PPME1: variants seen among roughly 807,000 people sequenced by gnomAD.
The protein encoded by PPME1 is protein phosphatase methylesterase 1.
PPME1 carries 17 observed loss-of-function variants against 56.9 expected under a neutral mutation model. The ratio of observed to expected loss-of-function variants is 0.30; its 90% CI spans 0.20 to 0.45. PPME1 has a LOEUF of 0.45. PPME1 is among the 20% of genes least tolerant of loss of function. The probability of loss-of-function intolerance (pLI) is 1.00; values close to 1 mark genes in which losing one functional copy is unlikely to be tolerated. For missense variants in PPME1, 357 were observed against 483.2 expected (o/e 0.74, Z 2.45); for synonymous variants, 122 against 156.2 (o/e 0.78, Z 1.63).
At chr11:74,231,492 G>A (rs1272628865) in intron 7 of PPME1, among the ~76,000 whole-genome samples, 4 of 152,144 alleles carry the variant, frequency 2.6e-5, no homozygotes, top group Admixed American at 1.3e-4. Flanking sequence ...CAGTTGCCAC[G>A]CCTTATTGTA....
Position 74,251,891 on chromosome 11 carries a change from T to G in PPME1, c.1142+176T>G, listed in dbSNP as rs202124637. 1,749 of 870,536 alleles carry G rather than the reference T, an allele frequency of 2.0e-3. 9 individuals carry two copies. The highest frequency in any genetic ancestry group is 2.7e-3 in the Non-Finnish European group (1,376 of 515,632). The allele number at this position is 870,536 out of a possible 1,614,324, so 53.9% of individuals were successfully genotyped here. A position where few individuals can be genotyped will look rare whatever the true frequency, so the allele number is the denominator to read the frequency against. On this transcript the variant is annotated intron_variant, in intron 13 of 13. Coordinates refer to ENST00000328257, the MANE Select transcript of PPME1 (RefSeq NM_016147.3). ...CTGTTTCTACAAAGCCATGGTTGGT[T>G]GTTTCTTTGTGCTGTGCTCCCACGG...
At chr11:74,186,197 C>T (rs1160912031) in intron 1 of PPME1, among the ~76,000 whole-genome samples, 6 of 152,074 alleles carry the variant, frequency 3.9e-5, no homozygotes, top group Non-Finnish European at 8.8e-5. Flanking sequence ...GAGAGTTTTC[C>T]TTGATTCTTC....
At position 74,203,789 on chromosome 11, in the gene PPME1, G is replaced by C. The variant is rs1413523426; in HGVS notation, c.163G>C (p.Asp55His). Residue 55 changes from aspartate (D) to histidine (H), a missense_variant, in exon 2 of 14, where the codon GAT becomes CAT. By Grantham distance (81) the Asp-to-His change is moderately conservative. Transcript: ENST00000328257. ...PWSQYFESME[D>H]VEVENETGKD... Reference sequence around the variant, plus strand: ...GAGTCAGTATTTTGAGTCCATGGAAGATGTAGAAGTAGAGAATGAAACTGG... The same window carrying C: ...GAGTCAGTATTTTGAGTCCATGGAACATGTAGAAGTAGAGAATGAAACTGG... 6.2e-7 allele frequency: 1 copy of C among 1,612,110 alleles called. No homozygotes were observed. Among genetic ancestry groups the C allele is most frequent in the Non-Finnish European group, 8.5e-7 (1 of 1,178,890 alleles).
At chr11:74,237,032 C>G (rs1231848049) in intron 8 of PPME1, among the ~76,000 whole-genome samples, 1 of 150,746 alleles carries the variant, frequency 6.6e-6, no homozygotes, top group Non-Finnish European at 1.5e-5. Context: ...TTCTGTCTCC[C>G]TCTTTTTTTT....
intron 1 of PPME1, among the ~76,000 whole-genome samples, chr11:74,173,465 GA>G (rs373757115): frequency 7.6e-4 from 114 of 149,938 alleles, no homozygotes; most frequent in African/African-American, 2.1e-3. Flanking sequence ...GATACTGAGA[GA>G]AAAAAAAAGG....
chr11:74,178,181 T>C (rs1207077349), intron 1 of PPME1, among the ~76,000 whole-genome samples: 4 of 152,214 alleles, frequency 2.6e-5, no homozygotes, highest in African/African-American at 4.8e-5. Context: ...TGTCACCTTA[T>C]GGTTGCAGGA....
At chr11:74,195,033 A>G (rs1162306887) in intron 1 of PPME1, among the ~76,000 whole-genome samples, 1 of 152,230 alleles carries the variant, frequency 6.6e-6, no homozygotes. Flanking sequence ...GACCTGGTAG[A>G]TTATTTAATG....
chr11:74,250,135 A>G (rs1307370755), intron 11 of PPME1: 1 of 152,204 alleles, frequency 6.6e-6, no homozygotes, highest in African/African-American at 2.4e-5. Flanking sequence ...ACAGGATGTA[A>G]TGACCAGAAG....
chr11:74,251,460 C>T, intron 12 of PPME1, 188 bp from the exon 13 acceptor site: 1 of 1,424,612 alleles, frequency 7.0e-7, no homozygotes. Context: ...CTATCCCTGG[C>T]AAGGATAGTG....
intron 3 of PPME1, among the ~76,000 whole-genome samples, chr11:74,221,913 C>A (rs1409717785): frequency 6.6e-6 from 1 of 152,028 alleles, no homozygotes; most frequent in Admixed American, 6.6e-5. Context: ...TCTGTGATGT[C>A]CTGAGCCAAG....
chr11:74,189,243 T>C (rs772191470), intron 1 of PPME1, among the ~76,000 whole-genome samples: 13 of 152,124 alleles, frequency 8.5e-5, no homozygotes, highest in Admixed American at 5.9e-4. Flanking sequence ...TTAAAAAATA[T>C]AATAAATAAA....
intron 3 of PPME1, among the ~76,000 whole-genome samples, chr11:74,212,538 AC>A (rs1421508504): frequency 1.3e-5 from 2 of 152,110 alleles, no homozygotes; most frequent in Admixed American, 1.3e-4. Context: ...GGGAGTGCTT[AC>A]GCCACCTCTC....
chr11:74,175,939 T>C (rs1857391509), intron 1 of PPME1, among the ~76,000 whole-genome samples: 1 of 152,202 alleles, frequency 6.6e-6, no homozygotes, highest in African/African-American at 2.4e-5. Context: ...CATTGAAGGG[T>C]TTGATATTTG....
intron 1 of PPME1, among the ~76,000 whole-genome samples, chr11:74,193,734 C>T (rs900027783): frequency 6.6e-5 from 10 of 152,240 alleles, no homozygotes; most frequent in Non-Finnish European, 1.0e-4. Context: ...TACTAGTTTA[C>T]GCTTCTCCTT....
In PPME1 at chr11:74,230,439, A is replaced by G. The variant is rs1280312773; in HGVS notation, c.553+40A>G. On this transcript the variant is annotated intron_variant, in intron 6 of 13. Transcript: ENST00000328257. This position sits in a 1 kb window ranked among gnomAD's most constrained non-coding sequence, Gnocchi z 4.9. ...CACTGACCAAATCAGGATTTCACTT[A>G]TAAGAGACATCCTTGGTAGATTATT... 11 of 1,595,826 alleles carry G rather than the reference A, an allele frequency of 6.9e-6. No individual in the cohort carries two copies. The highest frequency in any genetic ancestry group is 9.4e-6 in the Non-Finnish European group (11 of 1,165,676).
intron 1 of PPME1, among the ~76,000 whole-genome samples, chr11:74,175,501 C>CA (rs879877675): frequency 9.1e-4 from 130 of 142,360 alleles, no homozygotes; most frequent in African/African-American, 2.5e-3. Context: ...AACTCCATCT[C>CA]AAAAAAAAAA....
At chr11:74,225,053 G>T (rs1180540666) in intron 4 of PPME1, among the ~76,000 whole-genome samples, 152 bp from the exon 5 acceptor site, 5 of 152,106 alleles carry the variant, frequency 3.3e-5, no homozygotes, top group Non-Finnish European at 2.9e-5. Context: ...TAACTATAAA[G>T]ATTTTTCTGA....
chr11:74,210,807 A>G (rs1035956238), intron 3 of PPME1, among the ~76,000 whole-genome samples: 2 of 152,112 alleles, frequency 1.3e-5, no homozygotes, highest in East Asian at 1.9e-4. Flanking sequence ...CTTATAAATT[A>G]CTCAGGCTCC....
intron 4 of PPME1, 103 bp from the exon 5 acceptor site, chr11:74,225,102 G>A (rs980722999): frequency 5.0e-5 from 35 of 706,154 alleles, no homozygotes; most frequent in Non-Finnish European, 7.2e-5. Flanking sequence ...AAATTGTGAA[G>A]TCCCTAATCC....
Sources: allele counts gnomAD v4.1 joint callset (sites outside exome capture counted in the v4.1 genomes callset), GRCh38; gene constraint gnomAD v4.1.1; non-coding constraint Gnocchi (gnomAD v3.1); transcripts MANE v1.5; gene names NCBI Gene and HGNC (gene_info 2026-07-23, HGNC 2026-07-21).